Variants in RNF149 observed in about 807,000 individuals in gnomAD.
RNF149 encodes the protein E3 ubiquitin-protein ligase RNF149.
Under a neutral mutation model 39.0 loss-of-function variants are expected in RNF149, and 21 were observed. The ratio of observed to expected loss-of-function variants is 0.54; its 90% CI spans 0.38 to 0.77. The LOEUF (loss-of-function observed/expected upper bound fraction) is 0.77. Ranked by LOEUF, RNF149 falls within the 30% of genes least tolerant of loss-of-function variation. The pLI is 0.00. For missense variants in RNF149, 493 were observed against 534.9 expected (o/e 0.92, Z 0.77); for synonymous variants, 209 against 213.6 (o/e 0.98, Z 0.19).
downstream of RNF149, chr2:101,273,448 T>C (rs1470907015): frequency 7.1e-6 from 3 of 425,254 alleles, no homozygotes; most frequent in African/African-American, 2.1e-5. Context: ...CTTAAAACTT[T>C]CAGCAAAAAC....
chr2:101,294,839 G>T lies in RNF149; in HGVS notation c.711+92C>A. On this transcript the variant is annotated intron_variant, in intron 2 of 6. Transcript: ENST00000295317. ...CTTAAATAATATAAGCGAAAATCAAGATTATGGTCAAATGTAACTTCTAGG... is the reference window on the plus strand; with the variant it reads ...CTTAAATAATATAAGCGAAAATCAATATTATGGTCAAATGTAACTTCTAGG... 5 of 1,073,076 alleles carry T rather than the reference G, an allele frequency of 4.7e-6. No individual in the cohort carries two copies. The South Asian group carries it at 8.1e-5, about 17-fold the overall frequency. 66.5% of individuals were successfully genotyped at this position (1,073,076 alleles called of 1,614,324 possible).
In RNF149 at chr2:101,277,214, G is replaced by A; in HGVS notation, c.*24C>T. On this transcript the variant is annotated 3_prime_UTR_variant, in exon 7 of 7. Coordinates refer to ENST00000295317, the MANE Select transcript of RNF149 (RefSeq NM_173647.4). ...TTTAGTTCAAGCCAAACTTCTGTTG[G>A]TGCCACTTCAGTGGGCACGTGTGCT... 6.2e-7 allele frequency: 1 copy of A among 1,612,800 alleles called. No homozygotes were observed. Among genetic ancestry groups the A allele is most frequent in the South Asian group, 1.1e-5 (1 of 90,864 alleles).
At chr2:101,282,194 C>T (rs1682619892) in intron 5 of RNF149, 137 bp from the exon 6 acceptor site, 9 of 1,251,230 alleles carry the variant, frequency 7.2e-6, no homozygotes, top group Non-Finnish European at 9.7e-6. Flanking sequence ...ACATCAATGT[C>T]TCCCTTATCT....
rs559041637 is a variant in RNF149, at chr2:101,291,382, C to CA, written c.781-2328_781-2327insT. ...GCCAAGCTGGTCTCGAACTCCTGAC[C>CA]TCGTGATCCACCCGCCTCGGCCTCC... On this transcript the variant is annotated intron_variant, in intron 3 of 6. Transcript: ENST00000295317. 7.0e-3 allele frequency among the ~76,000 whole-genome samples: 1,061 copies of CA among 152,084 alleles called. 17 individuals carry two copies. Among genetic ancestry groups the CA allele is most frequent in the African/African-American group, 0.024 (979 of 41,492 alleles).
At chr2:101,273,350 G>A (rs774984111), downstream of RNF149, 1 of 470,880 alleles carries the variant, frequency 2.1e-6, no homozygotes, top group Non-Finnish European at 4.4e-6. Context: ...TCCTATAATG[G>A]TTAGGAGGAA....
intron 6 of RNF149, among the ~76,000 whole-genome samples, chr2:101,280,278 C>T (rs1001651351): frequency 3.3e-5 from 5 of 151,806 alleles, no homozygotes; most frequent in African/African-American, 9.7e-5. Context: ...AATTGCCTTG[C>T]AAATATAAAA....
chr2:101,300,797 G>A (rs1014869651), intron 1 of RNF149, among the ~76,000 whole-genome samples: 6 of 152,216 alleles, frequency 3.9e-5, no homozygotes, highest in African/African-American at 1.4e-4. Context: ...TGCTTTTCCA[G>A]AACATTTCAG....
intron 3 of RNF149, among the ~76,000 whole-genome samples, chr2:101,292,321 C>T (rs1324696142): frequency 1.3e-5 from 2 of 151,876 alleles, no homozygotes; most frequent in African/African-American, 4.8e-5. Flanking sequence ...TTTTTTTCAA[C>T]CATTATTTTG....
chr2:101,295,514 A>G (rs2104419017), intron 1 of RNF149, among the ~76,000 whole-genome samples: 1 of 152,162 alleles, frequency 6.6e-6, no homozygotes, highest in Admixed American at 6.5e-5. Context: ...ACAAAAAATT[A>G]GCCAGGTGTG....
At chr2:101,281,342 C>T (rs924346179) in intron 6 of RNF149, among the ~76,000 whole-genome samples, 1 of 152,022 alleles carries the variant, frequency 6.6e-6, no homozygotes, top group African/African-American at 2.4e-5. Context: ...AAACACCTTT[C>T]GATTTCCAGA....
chr2:101,289,637 G>A (rs1180199679), intron 3 of RNF149, among the ~76,000 whole-genome samples: 5 of 151,014 alleles, frequency 3.3e-5, no homozygotes, highest in African/African-American at 9.8e-5. Flanking sequence ...CCAGGGAGTC[G>A]GAGGTTGCAG....
At chr2:101,285,086 C>T (rs1191856236) in intron 5 of RNF149, among the ~76,000 whole-genome samples, 2 of 151,882 alleles carry the variant, frequency 1.3e-5, no homozygotes, top group African/African-American at 4.8e-5. Flanking sequence ...TTAGGAGAGA[C>T]AGGGTTTCAC....
rs552338833 is a variant in RNF149 at position 101,302,295 on chromosome 2, G to A, written c.460+5834C>T. Among the ~76,000 whole-genome samples the A allele has an allele frequency of 2.6e-5, 4 of 152,288 alleles. 1 individual carries two copies. The highest frequency in any genetic ancestry group is 9.6e-5 in the African/African-American group (4 of 41,556). On this transcript the variant is annotated intron_variant, in intron 1 of 6. Coordinates refer to ENST00000295317, the MANE Select transcript of RNF149 (RefSeq NM_173647.4). ...AACTGGCTCATCTTTTAGTGCTATA[G>A]TTAAAATGGCCCAATAAGGAGAATT...
intron 1 of RNF149, among the ~76,000 whole-genome samples, chr2:101,297,303 A>C (rs907525664): frequency 2.6e-5 from 4 of 152,242 alleles, no homozygotes; most frequent in African/African-American, 9.6e-5. Context: ...AGTAATAGAA[A>C]AACAAAGAAA....
rs181729936 is a variant in RNF149 at position 101,277,042 on chromosome 2, T to G, written c.*196A>C. On this transcript the variant is annotated 3_prime_UTR_variant, in exon 7 of 7. Coordinates refer to ENST00000295317, the MANE Select transcript of RNF149 (RefSeq NM_173647.4). ...ATGGTAAACACTCTATTTTAGTAGATAAATATATGAGGACTAATCGAAAAG... is the reference window on the plus strand; with the variant it reads ...ATGGTAAACACTCTATTTTAGTAGAGAAATATATGAGGACTAATCGAAAAG... 27 of 1,341,164 alleles carry G rather than the reference T, an allele frequency of 2.0e-5. No homozygotes were observed. In the East Asian group the frequency reaches 8.3e-4, roughly 41 times the overall value. 83.1% of individuals were successfully genotyped at this position (1,341,164 alleles called of 1,614,324 possible). A position where few individuals can be genotyped will look rare whatever the true frequency, so the allele number is the denominator to read the frequency against.
At position 101,276,406 on chromosome 2, in the gene RNF149, C is replaced by T. The variant is rs1682345773; in HGVS notation, c.*832G>A. 1.0e-6 allele frequency: 1 copy of T among 985,696 alleles called. No homozygotes were observed. The highest frequency in any genetic ancestry group is 6.1e-5 in the Admixed American group (1 of 16,264). The allele number at this position is 985,696 out of a possible 1,614,324, so 61.1% of individuals were successfully genotyped here. ...AAAACTGGTTATTTCGAGTCAACAA[C>T]AAAAACTAAAATTCTACATCTTTCG... On this transcript the variant is annotated 3_prime_UTR_variant, in exon 7 of 7. Transcript: ENST00000295317.
At chr2:101,301,987 C>T (rs1002903290) in intron 1 of RNF149, among the ~76,000 whole-genome samples, 19 of 152,180 alleles carry the variant, frequency 1.2e-4, no homozygotes, top group African/African-American at 4.6e-4. Flanking sequence ...ATACTATAAA[C>T]TTCCAGGTTT....
At chr2:101,278,975 G>A (rs1028998671) in intron 6 of RNF149, among the ~76,000 whole-genome samples, 1 of 152,228 alleles carries the variant, frequency 6.6e-6, no homozygotes, top group Admixed American at 6.5e-5. Flanking sequence ...GCTCCTGAGA[G>A]TCTAGTAAAT....
At chr2:101,304,701 CA>C (rs1020286390) in intron 1 of RNF149, among the ~76,000 whole-genome samples, 4 of 152,016 alleles carry the variant, frequency 2.6e-5, no homozygotes, top group Non-Finnish European at 5.9e-5. Context: ...ATTCCAGTCA[CA>C]TTTTTTTTAG....
Sources: gnomAD v4.1 joint callset for allele counts (sites outside exome capture counted in the v4.1 genomes callset) on GRCh38, gnomAD v4.1.1 for gene constraint, MANE v1.5 for transcripts, NCBI Gene and HGNC (gene_info 2026-07-23, HGNC 2026-07-21) for gene names.